The following ANO3 variants were observed in gnomAD, a reference collection of about 807,000 sequenced individuals.
The protein encoded by ANO3 is anoctamin 3.
In ANO3, 99 loss-of-function variants were observed where a neutral mutation model predicts 144.8. That is an observed-to-expected ratio of 0.68 (90% CI 0.58 to 0.81). ANO3 has a LOEUF of 0.81. ANO3 is among the 30% of genes least tolerant of loss of function. The pLI, the probability that ANO3 is intolerant of heterozygous loss-of-function variation, is 0.00. For synonymous variants in ANO3, 414 were observed against 392.6 expected (o/e 1.05, Z -0.64); for missense variants, 905 against 1,202.2 (o/e 0.75, Z 3.66).
intron 17 of ANO3, among the ~76,000 whole-genome samples, chr11:26,614,136 TG>T (rs1852180728): frequency 6.6e-6 from 1 of 151,956 alleles, no homozygotes; most frequent in Non-Finnish European, 1.5e-5. Flanking sequence ...CATATGCAGG[TG>T]TTGGGGATGG....
chr11:26,269,419 T>C lies in ANO3; in HGVS notation c.155-40226T>C, dbSNP rs147385055. Among the ~76,000 whole-genome samples the C allele has an allele frequency of 2.0e-3, 306 of 152,230 alleles. 2 individuals are homozygous for C. Among genetic ancestry groups the C allele is most frequent in the African/African-American group, 6.9e-3 (288 of 41,556 alleles). On this transcript the variant is annotated intron_variant, in intron 1 of 27. Coordinates refer to the ANO3 transcript ENST00000672621. ...TTCTCCCCCTCTTACTTTTCCTATCTCTCTTGGGGCTCTCTCAGCAGTGAG... is the reference window on the plus strand; with the variant it reads ...TTCTCCCCCTCTTACTTTTCCTATCCCTCTTGGGGCTCTCTCAGCAGTGAG...
intron 1 of ANO3, among the ~76,000 whole-genome samples, chr11:26,227,515 C>T (rs1852281185): frequency 6.6e-6 from 1 of 152,128 alleles, no homozygotes; most frequent in Non-Finnish European, 1.5e-5. Flanking sequence ...GCTGTGAAAC[C>T]AAATCCATAT....
At chr11:26,338,532 C>G (rs2133896279) in intron 1 of ANO3, among the ~76,000 whole-genome samples, 1 of 152,316 alleles carries the variant, frequency 6.6e-6, no homozygotes, top group South Asian at 2.1e-4. Context: ...CCAGCAGCAG[C>G]AACCCACTGG....
At chr11:26,332,033 G>A (rs1467027523), upstream of ANO3, 5 of 1,238,530 alleles carry the variant, frequency 4.0e-6, no homozygotes, top group African/African-American at 3.1e-5. Flanking sequence ...ACGCGCGGGG[G>A]ATGCGGGGTT....
At chr11:26,307,005 T>C (rs533343964), upstream of ANO3, among the ~76,000 whole-genome samples, 98 of 152,338 alleles carry the variant, frequency 6.4e-4, no homozygotes, top group Non-Finnish European at 1.0e-3. Context: ...TATGACTTTT[T>C]TTTTTACAAT....
chr11:26,202,257 A>G (rs1484948747), intron 1 of ANO3, among the ~76,000 whole-genome samples: 1 of 145,866 alleles, frequency 6.9e-6, no homozygotes, highest in African/African-American at 2.5e-5. Context: ...ATTATATTAT[A>G]TATTAATATC....
intron 3 of ANO3, among the ~76,000 whole-genome samples, chr11:26,450,275 G>A (rs1403994772): frequency 1.3e-5 from 2 of 152,134 alleles, no homozygotes; most frequent in Admixed American, 1.3e-4. Context: ...AAGATGGTGA[G>A]TAGAAAACAC....
At chr11:26,291,770 A>C (rs2133854363) in intron 1 of ANO3, among the ~76,000 whole-genome samples, 1 of 152,302 alleles carries the variant, frequency 6.6e-6, no homozygotes, top group East Asian at 1.9e-4. Flanking sequence ...GTTTCTGCTG[A>C]GAGATCTGCT....
intron 1 of ANO3, among the ~76,000 whole-genome samples, chr11:26,345,732 T>C (rs1053618171): frequency 6.6e-6 from 1 of 152,226 alleles, no homozygotes; most frequent in Non-Finnish European, 1.5e-5. Context: ...CTTGAAAGAA[T>C]TGCTTGTCTT....
At chr11:26,542,672 C>T (rs190025724) in intron 11 of ANO3, among the ~76,000 whole-genome samples, 1 of 152,128 alleles carries the variant, frequency 6.6e-6, no homozygotes, top group Non-Finnish European at 1.5e-5. Flanking sequence ...AAGATCTACT[C>T]TACTTCAGGA....
At chr11:26,536,950 T>A (rs1159417459) in intron 9 of ANO3, among the ~76,000 whole-genome samples, 1 of 152,080 alleles carries the variant, frequency 6.6e-6, no homozygotes, top group Non-Finnish European at 1.5e-5. Flanking sequence ...GCTATTTATG[T>A]CTTTTTTTGT....
chr11:26,588,856 C>G (rs555427239), intron 14 of ANO3, among the ~76,000 whole-genome samples: 1 of 152,326 alleles, frequency 6.6e-6, no homozygotes, highest in African/African-American at 2.4e-5. Flanking sequence ...CCACTTTCCT[C>G]TTAAGTTTTA....
chr11:26,537,509 C>G (rs1354833682), intron 10 of ANO3, 48 bp downstream of exon 10: 2 of 1,449,328 alleles, frequency 1.4e-6, no homozygotes, highest in South Asian at 2.3e-5. Context: ...TTTTCATGCT[C>G]AATGCTTGGT....
intron 1 of ANO3, among the ~76,000 whole-genome samples, chr11:26,433,774 T>G (rs1858199414): frequency 6.6e-6 from 1 of 152,312 alleles, no homozygotes; most frequent in African/African-American, 2.4e-5. Context: ...AGATTAGCTT[T>G]CTGATGTGCT....
intron 1 of ANO3, among the ~76,000 whole-genome samples, chr11:26,195,928 C>T (rs1401654691): frequency 6.6e-6 from 1 of 152,160 alleles, no homozygotes; most frequent in African/African-American, 2.4e-5. Flanking sequence ...ATACCTTGTG[C>T]AGGGAAGGGG....
chr11:26,324,310 C>T (rs1242546156), intron 1 of ANO3, among the ~76,000 whole-genome samples: 1 of 152,154 alleles, frequency 6.6e-6, no homozygotes, highest in African/African-American at 2.4e-5. Flanking sequence ...CTATCTCTCA[C>T]TTCAGCTGAC....
chr11:26,406,336 A>G (rs758421365), intron 1 of ANO3, among the ~76,000 whole-genome samples: 11 of 151,784 alleles, frequency 7.2e-5, no homozygotes, highest in Non-Finnish European at 1.5e-4. Context: ...ATCAACTTCC[A>G]AAGGTCACAC....
chr11:26,194,374 A>G lies in ANO3; in HGVS notation c.154+5044A>G, dbSNP rs185192098. On this transcript the variant is annotated intron_variant, in intron 1 of 27. Transcript: ENST00000672621. The stretch of plus-strand genomic sequence containing the variant: ...AACATTAAAGAAGGACTTGGTAGGA[A>G]GTGAAACAAATGTCATAATTCTTTT... Among the ~76,000 whole-genome samples, 440 of 151,832 alleles carry G rather than the reference A, an allele frequency of 2.9e-3. 1 individual carries two copies. The highest frequency in any genetic ancestry group is 0.01 in the African/African-American group (414 of 41,352).
Position 26,366,301 on chromosome 11 carries a change from A to G in ANO3, c.46+33980A>G, listed in dbSNP as rs188855098. On this transcript the variant is annotated intron_variant, in intron 1 of 26. Transcript: ENST00000256737. ...AGAATGATGGTTTCTGGCTTCATCC[A>G]TGTCCCTACAAAGGACATGAACTCA... 3.7e-3 allele frequency among the ~76,000 whole-genome samples: 557 copies of G among 152,228 alleles called. 2 individuals carry two copies. Among genetic ancestry groups the G allele is most frequent in the Non-Finnish European group, 5.5e-3 (376 of 68,010 alleles).
Sources: gnomAD v4.1 joint callset for allele counts (sites outside exome capture counted in the v4.1 genomes callset) on GRCh38, gnomAD v4.1.1 for gene constraint, MANE v1.5 for transcripts, NCBI Gene and HGNC (gene_info 2026-07-23, HGNC 2026-07-21) for gene names.